SKA2: variants seen among roughly 807,000 people sequenced by gnomAD.
SKA2 encodes the protein spindle and kinetochore-associated protein 2.
Under a neutral mutation model 16.9 loss-of-function variants are expected in SKA2, and 13 were observed. The ratio of observed to expected loss-of-function variants is 0.77; its 90% CI spans 0.50 to 1.22. SKA2 has a LOEUF of 1.22. Ranked by LOEUF, SKA2 falls within the 50% of genes most tolerant of loss-of-function variation. The pLI is 0.00. For missense variants in SKA2, 107 were observed against 139.7 expected, an observed-to-expected ratio of 0.77 and a Z score of 1.18; for synonymous variants, 47 against 48.5, an observed-to-expected ratio of 0.97 and a Z score of 0.13.
Position 59,112,362 on chromosome 17 carries a change from A to G in SKA2, c.298-17T>C. 6.3e-7 allele frequency: 1 copy of G among 1,590,286 alleles called. No homozygotes were observed. The highest frequency in any genetic ancestry group is 8.6e-7 in the Non-Finnish European group (1 of 1,167,260). ...TGGTGACAGCTAGAAAATAAATGATAAAATCTTTATTTCAAAAACTTTCAA... is the reference window on the plus strand; with the variant it reads ...TGGTGACAGCTAGAAAATAAATGATGAAATCTTTATTTCAAAAACTTTCAA... On this transcript the variant is annotated splice_polypyrimidine_tract_variant and intron_variant, in intron 3 of 3. Transcript: ENST00000330137.
At chr17:59,148,825 A>AG (rs1293545668) in intron 1 of SKA2, among the ~76,000 whole-genome samples, 6 of 150,712 alleles carry the variant, frequency 4.0e-5, no homozygotes, top group Admixed American at 1.3e-4. Context: ...AAAAAAAAAA[A>AG]AAAAAGAAAA....
At chr17:59,140,961 C>CT (rs139300856) in intron 1 of SKA2, among the ~76,000 whole-genome samples, 25 of 145,774 alleles carry the variant, frequency 1.7e-4, no homozygotes, top group Non-Finnish European at 1.4e-4. Context: ...GACTACTTAA[C>CT]TTTTTTTTTT....
At chr17:59,142,969 A>G (rs1013483082) in intron 1 of SKA2, among the ~76,000 whole-genome samples, 1 of 149,012 alleles carries the variant, frequency 6.7e-6, no homozygotes, top group Non-Finnish European at 1.5e-5. Context: ...ACAGTGTCTC[A>G]CTGTGTGGCC....
At chr17:59,149,322 A>T (rs1214859578) in intron 1 of SKA2, among the ~76,000 whole-genome samples, 1 of 152,120 alleles carries the variant, frequency 6.6e-6, no homozygotes, top group Non-Finnish European at 1.5e-5. Context: ...CAGCCTGGCA[A>T]CATAGTGAGA....
intron 1 of SKA2, among the ~76,000 whole-genome samples, chr17:59,148,506 C>T (rs928371910): frequency 2.0e-5 from 3 of 152,050 alleles, no homozygotes; most frequent in African/African-American, 7.2e-5. Flanking sequence ...CAGCCTCGAC[C>T]TCCCCAGGCT....
chr17:59,121,077 G>A (rs1291681133), intron 2 of SKA2, among the ~76,000 whole-genome samples: 3 of 151,572 alleles, frequency 2.0e-5, no homozygotes, highest in African/African-American at 4.9e-5. Flanking sequence ...GCTTGAACCC[G>A]GGAGGCAGAG....
chr17:59,144,944 A>G (rs1216556342), intron 1 of SKA2, among the ~76,000 whole-genome samples: 1 of 152,022 alleles, frequency 6.6e-6, no homozygotes. Context: ...TTACAGGCAC[A>G]CACCACCACA....
chr17:59,149,597 G>C (rs1010567484), intron 1 of SKA2, among the ~76,000 whole-genome samples: 31 of 152,134 alleles, frequency 2.0e-4, no homozygotes, highest in African/African-American at 4.8e-5. Flanking sequence ...TCAAGAATTC[G>C]AGACCAACCA....
chr17:59,142,517 C>T (rs1041328467), intron 1 of SKA2, among the ~76,000 whole-genome samples: 3 of 151,652 alleles, frequency 2.0e-5, no homozygotes, highest in East Asian at 1.9e-4. Context: ...CTCGAACTCT[C>T]GACCTCAGGT....
rs200730723 is a variant in SKA2, at chr17:59,119,382, A to G, written c.234T>C (p.Ile78=). ...AVEQKESKSR[I]CATVKKTMNM... The stretch of plus-strand genomic sequence containing the variant: ...TCATAGTCTTTTTCACAGTAGCACA[A>G]ATGCGGCTCTTACTCTCTTTCTGCT... Residue 78 remains isoleucine (I), a synonymous_variant, in exon 3 of 4, where the codon ATT becomes ATC. Transcript: ENST00000330137. The G allele has an allele frequency of 8.4e-5, 135 of 1,614,000 alleles. No homozygotes were observed. The East Asian group carries it at 2.1e-3, about 25-fold the overall frequency.
At chr17:59,122,834 G>A (rs1017513124) in intron 2 of SKA2, among the ~76,000 whole-genome samples, 1 of 151,762 alleles carries the variant, frequency 6.6e-6, no homozygotes, top group Admixed American at 6.6e-5. Flanking sequence ...TGTTGGCCAG[G>A]CTGGTCTAGA....
Position 59,134,031 on chromosome 17 carries a change from GATTAA to G in SKA2, c.34-2669_34-2665del, listed in dbSNP as rs372061368. Among the ~76,000 whole-genome samples the G allele has an allele frequency of 1.9e-3, 288 of 152,234 alleles. 9 individuals are homozygous for G. In the South Asian group the frequency reaches 0.059, roughly 31 times the overall value. ...CTATACTTGTCAGATGAGATGCCACGATTAAATTAATCAATAATTACAACTCCTTA... is the reference window on the plus strand; with the variant it reads ...CTATACTTGTCAGATGAGATGCCACGATTAATCAATAATTACAACTCCTTA... On this transcript the variant is annotated intron_variant, in intron 1 of 3. Transcript: ENST00000330137.
chr17:59,148,702 G>T (rs1346910758), intron 1 of SKA2, among the ~76,000 whole-genome samples: 1 of 151,046 alleles, frequency 6.6e-6, no homozygotes, highest in East Asian at 1.9e-4. Flanking sequence ...CAGCTACTTG[G>T]GAGGCTGAGG....
chr17:59,150,621 G>A (rs1034382327), intron 1 of SKA2, among the ~76,000 whole-genome samples: 12 of 152,170 alleles, frequency 7.9e-5, no homozygotes, highest in African/African-American at 2.9e-4. Context: ...ACACGCCTGT[G>A]GTCCCAGCTA....
At position 59,119,431 on chromosome 17, in the gene SKA2, G is replaced by T. The variant is rs1239361343; in HGVS notation, c.185C>A (p.Ala62Asp). 1.2e-6 allele frequency: 2 copies of T among 1,613,850 alleles called. No homozygotes were observed. Among genetic ancestry groups the T allele is most frequent in the African/African-American group, 2.7e-5 (2 of 74,932 alleles). Residue 62 changes from alanine (A) to aspartate (D), a missense_variant, in exon 3 of 4, where the codon GCC becomes GAC. Physicochemically the swap from Ala to Asp is moderately radical, Grantham distance 126. Coordinates refer to ENST00000330137, the MANE Select transcript of SKA2 (RefSeq NM_182620.4). ...CTCAACAGCAACTGGTTTAAAGCGG[G>T]CATACAAAGTTTGATATCGAGACTT... Reference protein sequence around the residue: ...VIKSRYQTLYARFKPVAVEQK... With the variant: ...VIKSRYQTLYDRFKPVAVEQK...
chr17:59,128,550 C>T (rs145206249), intron 2 of SKA2, among the ~76,000 whole-genome samples: 5 of 150,694 alleles, frequency 3.3e-5, no homozygotes, highest in East Asian at 1.9e-4. Flanking sequence ...TGCTTGAACT[C>T]GGAAGGCGGA....
Sources: gnomAD v4.1 joint callset for allele counts (sites outside exome capture counted in the v4.1 genomes callset) on GRCh38, gnomAD v4.1.1 for gene constraint, MANE v1.5 for transcripts, NCBI Gene and HGNC (gene_info 2026-07-23, HGNC 2026-07-21) for gene names.